PTPRE: variants seen among roughly 807,000 people sequenced by gnomAD.
The protein encoded by PTPRE is receptor-type tyrosine-protein phosphatase epsilon.
A neutral mutation model predicts 102.0 loss-of-function variants in PTPRE; 51 were observed. The observed-to-expected ratio is 0.50, with a 90% CI of 0.40 to 0.63. PTPRE has a LOEUF of 0.63. Among genes scored for constraint, PTPRE ranks in the 30% least tolerant of loss-of-function variants. The pLI, the probability that PTPRE is intolerant of heterozygous loss-of-function variation, is 0.00. For synonymous variants in PTPRE, 345 were observed against 348.2 expected, an observed-to-expected ratio of 0.99 and a Z score of 0.10; for missense variants, 752 against 915.1, an observed-to-expected ratio of 0.82 and a Z score of 2.30.
chr10:128,079,068 G>C (rs1208833947), intron 19 of PTPRE, among the ~76,000 whole-genome samples: 1 of 152,178 alleles, frequency 6.6e-6, no homozygotes, highest in East Asian at 1.9e-4. Context: ...GACTGTTCCT[G>C]GTTGTGAATG....
intron 2 of PTPRE, among the ~76,000 whole-genome samples, chr10:128,021,386 C>T (rs369608369): frequency 2.0e-5 from 3 of 152,304 alleles, no homozygotes; most frequent in East Asian, 3.9e-4. Flanking sequence ...TAGCACTGAG[C>T]AAACCGCCCC....
rs1850704438 is a variant in PTPRE, at chr10:128,070,868, A to G, written c.1354A>G (p.Met452Val). The change falls in exon 15 of 21, where the codon ATG becomes GTG. Residue 452 changes from methionine (M) to valine (V), a missense_variant. Coordinates refer to ENST00000254667, the MANE Select transcript of PTPRE (RefSeq NM_006504.6). This position sits in a 1 kb window ranked among gnomAD's most constrained non-coding sequence, Gnocchi z 4.8. Reference sequence around the variant, plus strand: ...GAGGACGGGCAACTTGCCGGCAAACATGAAGAAGGCCAGGGTCATCCAGAT... The same window carrying G: ...GAGGACGGGCAACTTGCCGGCAAACGTGAAGAAGGCCAGGGTCATCCAGAT... ...NMRTGNLPAN[M>V]KKARVIQIIP... is the part of the protein sequence containing the mutation. 1.9e-6 allele frequency: 3 copies of G among 1,614,110 alleles called. No homozygotes were observed. Among genetic ancestry groups the G allele is most frequent in the Non-Finnish European group, 2.5e-6 (3 of 1,179,958 alleles).
At chr10:128,061,614 C>T in intron 8 of PTPRE, 65 bp from the exon 9 acceptor site, 2 of 1,536,820 alleles carry the variant, frequency 1.3e-6, no homozygotes, top group South Asian at 2.4e-5. Context: ...CTAACAGCAA[C>T]ACCAACAAAT....
chr10:127,981,865 A>G (rs917303043), intron 1 of PTPRE, among the ~76,000 whole-genome samples: 1 of 152,108 alleles, frequency 6.6e-6, no homozygotes, highest in African/African-American at 2.4e-5. Context: ...ATCAGGCTAG[A>G]TAAAGATTAA....
intron 1 of PTPRE, among the ~76,000 whole-genome samples, chr10:127,914,283 A>G (rs947050018): frequency 6.6e-6 from 1 of 151,996 alleles, no homozygotes. Flanking sequence ...AGCCAATTAA[A>G]CCTCATTTCC....
chr10:128,007,540 G>T (rs1404909245), intron 2 of PTPRE, among the ~76,000 whole-genome samples: 2 of 152,176 alleles, frequency 1.3e-5, no homozygotes, highest in African/African-American at 4.8e-5. Flanking sequence ...TTTCAATAGA[G>T]CTTCCCATAC....
chr10:128,004,586 A>C (rs925971895), intron 2 of PTPRE, among the ~76,000 whole-genome samples: 2 of 152,110 alleles, frequency 1.3e-5, no homozygotes, highest in African/African-American at 4.8e-5. Context: ...TCAATATTTC[A>C]TTCCTTTTTA....
At chr10:128,059,296 A>T (rs1339492752) in intron 7 of PTPRE, among the ~76,000 whole-genome samples, 2 of 151,858 alleles carry the variant, frequency 1.3e-5, no homozygotes. Flanking sequence ...TTGGGGTCTG[A>T]CTCCCTGGCC....
rs571082788 is a variant in PTPRE, at chr10:128,034,445, T to C, written c.-7-6430T>C. ...TGGCTCACACCTGTAATCCCAGCAC[T>C]TTGGGAGGTCAGGGCGGGAGGATTG... is the stretch of plus-strand genomic sequence containing the variant. On this transcript the variant is annotated intron_variant, in intron 2 of 20. Transcript: ENST00000254667. Among the ~76,000 whole-genome samples, 8 of 152,180 alleles carry C rather than the reference T, an allele frequency of 5.3e-5. No homozygotes were observed. In the South Asian group the frequency reaches 1.5e-3, roughly 28 times the overall value.
chr10:127,984,479 C>G (rs891445403), intron 2 of PTPRE, among the ~76,000 whole-genome samples: 1 of 152,110 alleles, frequency 6.6e-6, no homozygotes, highest in African/African-American at 2.4e-5. Context: ...TCTCTTGACA[C>G]GAGGAAAGGG....
intron 1 of PTPRE, among the ~76,000 whole-genome samples, chr10:127,918,507 C>G (rs1159635896): frequency 6.7e-6 from 1 of 148,732 alleles, no homozygotes; most frequent in Admixed American, 6.8e-5. Flanking sequence ...TGCAGTGAGC[C>G]GAGATCACGC....
intron 1 of PTPRE, among the ~76,000 whole-genome samples, chr10:127,928,921 G>A (rs1441476057): frequency 6.6e-6 from 1 of 152,232 alleles, no homozygotes; most frequent in African/African-American, 2.4e-5. Flanking sequence ...AAGATTAGCT[G>A]TGTAGCTACG....
intron 7 of PTPRE, among the ~76,000 whole-genome samples, chr10:128,056,891 C>T (rs1480761060): frequency 6.6e-6 from 1 of 151,962 alleles, no homozygotes; most frequent in Non-Finnish European, 1.5e-5. Flanking sequence ...GGTGCCAAGA[C>T]AAACCCTGTA....
At chr10:127,977,258 G>T (rs1294849216) in intron 1 of PTPRE, among the ~76,000 whole-genome samples, 3 of 152,124 alleles carry the variant, frequency 2.0e-5, no homozygotes, top group Admixed American at 2.0e-4. Flanking sequence ...ACTGCTTCAA[G>T]GTCAGTATCT....
chr10:127,954,453 T>C lies in PTPRE; in HGVS notation c.-30-27821T>C, dbSNP rs533440107. 5.3e-5 allele frequency among the ~76,000 whole-genome samples: 8 copies of C among 152,320 alleles called. No homozygotes were observed. In the South Asian group the frequency reaches 1.7e-3, roughly 32 times the overall value. Reference sequence around the variant, plus strand: ...GGATATGCTTCTTCCACAGCTACCATCTGTGGACTCATAGATTGCCTTATC... The same window carrying C: ...GGATATGCTTCTTCCACAGCTACCACCTGTGGACTCATAGATTGCCTTATC... On this transcript the variant is annotated intron_variant, in intron 1 of 20. Coordinates refer to ENST00000254667, the MANE Select transcript of PTPRE (RefSeq NM_006504.6).
chr10:127,935,252 CA>C (rs1369366102), intron 1 of PTPRE, among the ~76,000 whole-genome samples: 6 of 152,200 alleles, frequency 3.9e-5, no homozygotes, highest in Non-Finnish European at 8.8e-5. Flanking sequence ...TCCCGTGGTG[CA>C]AACGTGGCCT....
At chr10:127,930,171 A>G (rs1375264043) in intron 1 of PTPRE, among the ~76,000 whole-genome samples, 3 of 152,188 alleles carry the variant, frequency 2.0e-5, no homozygotes, top group East Asian at 1.9e-4. Context: ...GTACAGCTCC[A>G]TGAATTTTAA....
At chr10:127,968,796 T>G (rs1850464009) in intron 1 of PTPRE, among the ~76,000 whole-genome samples, 1 of 152,268 alleles carries the variant, frequency 6.6e-6, no homozygotes, top group African/African-American at 2.4e-5. Flanking sequence ...GCACTTTGCA[T>G]GAGCAGACCA....
Position 128,033,757 on chromosome 10 carries a change from G to A in PTPRE, c.-7-7118G>A, listed in dbSNP as rs1361434618. On this transcript the variant is annotated intron_variant, in intron 2 of 20. Coordinates refer to ENST00000254667, the MANE Select transcript of PTPRE (RefSeq NM_006504.6). The stretch of plus-strand genomic sequence containing the variant: ...CCTCCCGGGTTCAAGCGATTCTCCT[G>A]TCTCAGCCTCCTGAGCAGCTGGGAT... Among the ~76,000 whole-genome samples, 3 of 152,196 alleles carry A rather than the reference G, an allele frequency of 2.0e-5. No homozygotes were observed. In the East Asian group the frequency reaches 5.8e-4, roughly 29 times the overall value.
Sources: allele counts gnomAD v4.1 joint callset (sites outside exome capture counted in the v4.1 genomes callset), GRCh38; gene constraint gnomAD v4.1.1; non-coding constraint Gnocchi (gnomAD v3.1); transcripts MANE v1.5; gene names NCBI Gene and HGNC (gene_info 2026-07-23, HGNC 2026-07-21).